The following IFT81 variants were observed in gnomAD, a reference collection of about 807,000 sequenced individuals.
IFT81 encodes the protein intraflagellar transport protein 81 homolog.
In IFT81, 72 loss-of-function variants were observed where a neutral mutation model predicts 102.6. That is an observed-to-expected ratio of 0.70 (90% confidence interval 0.58 to 0.85). The LOEUF (loss-of-function observed/expected upper bound fraction) is 0.85, where lower values mean the gene tolerates loss of function less well. Ranked by LOEUF, IFT81 falls within the 40% of genes least tolerant of loss-of-function variation. The pLI, the probability that IFT81 is intolerant of heterozygous loss-of-function variation, is 0.00. For synonymous variants in IFT81, 237 were observed against 242.7 expected (o/e 0.98, Z 0.22); for missense variants, 723 against 787.3 (o/e 0.92, Z 0.98).
chr12:110,132,578 T>C lies in IFT81; in HGVS notation c.461T>C (p.Leu154Ser), dbSNP rs748848392. 35 of 1,574,074 alleles carry C rather than the reference T, an allele frequency of 2.2e-5. No homozygotes were observed. The highest frequency in any genetic ancestry group is 3.0e-5 in the Non-Finnish European group (35 of 1,149,444). ...YEELMEAFKT[L>S]HKEYEQLKIS... ...GAGTTAATGGAAGCCTTTAAAACTTTGCATAAAGAATATGAGCAGCTCAAG... is the reference window on the plus strand; with the variant it reads ...GAGTTAATGGAAGCCTTTAAAACTTCGCATAAAGAATATGAGCAGCTCAAG... Residue 154 changes from leucine to serine, a missense_variant, in exon 5 of 19, where the codon TTG becomes TCG. Physicochemically the swap from Leu to Ser is moderately radical, Grantham distance 145. Coordinates refer to ENST00000242591, the MANE Select transcript of IFT81 (RefSeq NM_014055.4).
intron 11 of IFT81, among the ~76,000 whole-genome samples, chr12:110,172,930 C>G (rs1481425719): frequency 2.6e-5 from 4 of 151,820 alleles, no homozygotes; most frequent in African/African-American, 9.7e-5. Context: ...GCCGCCCCGT[C>G]CGGGAGGGAG....
At chr12:110,145,256 C>T (rs1353160843) in intron 9 of IFT81, among the ~76,000 whole-genome samples, 1 of 151,470 alleles carries the variant, frequency 6.6e-6, no homozygotes, top group Non-Finnish European at 1.5e-5. Context: ...TGGTCTTGAC[C>T]TCCCAGATTC....
chr12:110,196,423 G>A (rs917261159), intron 14 of IFT81, among the ~76,000 whole-genome samples: 7 of 152,218 alleles, frequency 4.6e-5, no homozygotes, highest in East Asian at 1.9e-4. Context: ...GGGAGGCTGA[G>A]GTGGCAGAAT....
chr12:110,127,625 A>G, intron 2 of IFT81, 101 bp downstream of exon 2: 2 of 1,051,082 alleles, frequency 1.9e-6, no homozygotes, highest in Non-Finnish European at 2.6e-6. Context: ...TCTGAGCTTT[A>G]TTTTCCATGT....
intron 14 of IFT81, 113 bp from the exon 15 acceptor site, chr12:110,203,751 T>C: frequency 4.2e-6 from 3 of 712,062 alleles, no homozygotes; most frequent in South Asian, 1.6e-5. Flanking sequence ...CTCTTAAGTA[T>C]GCCAAGAAGC....
chr12:110,212,272 G>A (rs1304304023), intron 18 of IFT81, among the ~76,000 whole-genome samples: 1 of 150,992 alleles, frequency 6.6e-6, no homozygotes, highest in East Asian at 1.9e-4. Context: ...TTGGCTGGGC[G>A]CAGTGGCTCA....
chr12:110,156,035 C>G (rs1895818702), intron 10 of IFT81, among the ~76,000 whole-genome samples: 1 of 152,170 alleles, frequency 6.6e-6, no homozygotes, highest in Non-Finnish European at 1.5e-5. Flanking sequence ...CATAAACTAA[C>G]AATCCTTTTA....
intron 8 of IFT81, among the ~76,000 whole-genome samples, chr12:110,139,124 C>G (rs1051459375): frequency 4.6e-5 from 7 of 151,692 alleles, no homozygotes; most frequent in Admixed American, 4.6e-4. Context: ...TCACTTGATC[C>G]CAGGAGTTCA....
In IFT81 at chr12:110,127,500, T is replaced by C. The variant is rs752185138; in HGVS notation, c.120T>C (p.Asp40=). The change falls in exon 2 of 19, where the codon GAT becomes GAC. Residue 40 remains aspartate, a synonymous_variant. Coordinates refer to ENST00000242591, the MANE Select transcript of IFT81 (RefSeq NM_014055.4). ...EPMQLLQVLS[D]VLAEIDPKQL... ...TGCAACTATTACAAGTTCTCAGTGA[T>C]GTTCTGGCTGAGATTGACCCAAAGG... The C allele has an allele frequency of 2.5e-6, 4 of 1,603,896 alleles. No homozygotes were observed. The highest frequency in any genetic ancestry group is 3.4e-6 in the Non-Finnish European group (4 of 1,177,160).
At chr12:110,157,340 C>A (rs532704178) in intron 10 of IFT81, among the ~76,000 whole-genome samples, 1 of 151,896 alleles carries the variant, frequency 6.6e-6, no homozygotes, top group African/African-American at 2.4e-5. Flanking sequence ...CAGAATGAGA[C>A]CCTGCCTCAA....
chr12:110,135,123 G>T, intron 6 of IFT81, 110 bp downstream of exon 6: 1 of 866,222 alleles, frequency 1.2e-6, no homozygotes, highest in Non-Finnish European at 1.8e-6. Flanking sequence ...TCTGAGGATG[G>T]ACTCAAATAA....
At position 110,124,731 on chromosome 12, in the gene IFT81, T is replaced by G. The variant is rs1399694190; in HGVS notation, c.-152T>G. ...GGGAGGGGGACACTATTTCTGGTAC[T>G]CCCAGGAGGCTGCGGGTCGATGCTC... On this transcript the variant is annotated 5_prime_UTR_variant, in exon 1 of 19. Coordinates refer to ENST00000242591, the MANE Select transcript of IFT81 (RefSeq NM_014055.4). The G allele has an allele frequency of 6.6e-6, 1 of 152,220 alleles. No individual in the cohort carries two copies. The highest frequency in any genetic ancestry group is 1.5e-5 in the Non-Finnish European group (1 of 68,072). The allele number at this position is 152,220 out of a possible 1,614,324, so 9.4% of individuals were successfully genotyped here.
chr12:110,195,022 C>G (rs1897942010), intron 14 of IFT81, among the ~76,000 whole-genome samples: 1 of 152,052 alleles, frequency 6.6e-6, no homozygotes, highest in African/African-American at 2.4e-5. Context: ...TGATGTGTCT[C>G]TTGAATAGAT....
chr12:110,192,800 C>T, intron 14 of IFT81, 94 bp downstream of exon 14: 1 of 678,800 alleles, frequency 1.5e-6, no homozygotes, highest in Non-Finnish European at 2.6e-6. Flanking sequence ...GGATATTTTA[C>T]TTGGGTAATA....
intron 10 of IFT81, among the ~76,000 whole-genome samples, chr12:110,152,452 T>TA (rs552263957): frequency 3.3e-5 from 5 of 152,248 alleles, no homozygotes; most frequent in Non-Finnish European, 7.3e-5. Flanking sequence ...ATGTCTTTAA[T>TA]AAATGTCTCT....
intron 12 of IFT81, among the ~76,000 whole-genome samples, chr12:110,185,849 C>T (rs1362506169): frequency 1.3e-5 from 2 of 152,080 alleles, no homozygotes; most frequent in African/African-American, 4.8e-5. Flanking sequence ...ATCCTCCTAC[C>T]TCAGCCTCCC....
At chr12:110,168,798 G>A (rs1382511002) in intron 11 of IFT81, 1 of 152,146 alleles carries the variant, frequency 6.6e-6, no homozygotes, top group Non-Finnish European at 1.5e-5. Flanking sequence ...GGAAAAGATG[G>A]TGTTCAGAAA....
At chr12:110,206,774 C>A (rs1234297824) in intron 17 of IFT81, among the ~76,000 whole-genome samples, 1 of 151,120 alleles carries the variant, frequency 6.6e-6, no homozygotes, top group African/African-American at 2.4e-5. Context: ...ACTGAAAATA[C>A]TGTATAGAGC....
At chr12:110,175,593 A>G (rs1415841122) in intron 11 of IFT81, among the ~76,000 whole-genome samples, 2 of 152,226 alleles carry the variant, frequency 1.3e-5, no homozygotes, top group Non-Finnish European at 2.9e-5. Flanking sequence ...CCTTTAACAG[A>G]TAGTTTGAAA....
Sources: allele counts gnomAD v4.1 joint callset (sites outside exome capture counted in the v4.1 genomes callset), GRCh38; gene constraint gnomAD v4.1.1; transcripts MANE v1.5; gene names NCBI Gene and HGNC (gene_info 2026-07-23, HGNC 2026-07-21).